Variants in WDPCP observed in about 807,000 individuals in gnomAD.
The protein encoded by WDPCP is WD repeat-containing and planar cell polarity effector protein fritz homolog.
A neutral mutation model predicts 93.1 loss-of-function variants in WDPCP; 71 were observed. The ratio of observed to expected loss-of-function variants is 0.76; its 90% confidence interval spans 0.63 to 0.93. WDPCP has a LOEUF of 0.93. Ranked by LOEUF, WDPCP falls within the 40% of genes least tolerant of loss-of-function variation. The probability of loss-of-function intolerance (pLI) is 0.00; values close to 1 mark genes in which losing one functional copy is unlikely to be tolerated. For missense variants in WDPCP, 844 were observed against 887.4 expected (o/e 0.95, Z 0.62); for synonymous variants, 315 against 315.0 (o/e 1.00, Z 0.00).
chr2:63,152,780 C>T lies in WDPCP; in HGVS notation c.2190+134G>A, dbSNP rs1037727886. ...AAGCTGTTAGTGTAGTTAATATAGACCAGTTAATCTAGTTAATGTAGTCCA... is the reference window on the plus strand; with the variant it reads ...AAGCTGTTAGTGTAGTTAATATAGATCAGTTAATCTAGTTAATGTAGTCCA... On this transcript the variant is annotated intron_variant, in intron 17 of 17. Coordinates refer to ENST00000272321, the MANE Select transcript of WDPCP (RefSeq NM_015910.7). 51 of 752,468 alleles carry T rather than the reference C, an allele frequency of 6.8e-5. 1 individual carries two copies. The highest frequency in any genetic ancestry group is 1.0e-4 in the Non-Finnish European group (46 of 446,142). 46.6% of individuals were successfully genotyped at this position (752,468 alleles called of 1,614,324 possible).
chr2:63,441,241 G>C (rs574878631), intron 6 of WDPCP: 3 of 152,090 alleles, frequency 2.0e-5, no homozygotes, highest in South Asian at 4.1e-4. Flanking sequence ...AATCTCTACT[G>C]AATTACACCC....
At chr2:63,207,508 G>A (rs551115191) in intron 14 of WDPCP, among the ~76,000 whole-genome samples, 1 of 152,274 alleles carries the variant, frequency 6.6e-6, no homozygotes, top group East Asian at 1.9e-4. Context: ...GTTCTTTATA[G>A]CAATGTGAGA....
chr2:63,487,613 A>T (rs900817479), intron 2 of WDPCP, 119 bp from the exon 3 acceptor site: 4 of 675,746 alleles, frequency 5.9e-6, no homozygotes, highest in Non-Finnish European at 1.0e-5. Flanking sequence ...TCCTTATGCT[A>T]CTAGAAATAA....
chr2:63,216,128 C>T (rs968487549), intron 14 of WDPCP, among the ~76,000 whole-genome samples: 3 of 152,282 alleles, frequency 2.0e-5, no homozygotes, highest in Non-Finnish European at 2.9e-5. Flanking sequence ...ACTAGTTCAA[C>T]CATCGTGGAA....
chr2:63,392,098 A>G (rs1416861297), intron 10 of WDPCP, among the ~76,000 whole-genome samples: 3 of 152,186 alleles, frequency 2.0e-5, no homozygotes, highest in Non-Finnish European at 2.9e-5. Flanking sequence ...AGCAAAAAGA[A>G]CAAAGCTGGA....
chr2:63,633,255 C>T (rs1481501669), intron 3 of WDPCP, among the ~76,000 whole-genome samples: 1 of 151,940 alleles, frequency 6.6e-6, no homozygotes, highest in Non-Finnish European at 1.5e-5. Context: ...TGAAAAGACA[C>T]TAATAGAAAC....
chr2:63,172,974 T>C (rs1372790365), intron 15 of WDPCP, among the ~76,000 whole-genome samples: 1 of 151,900 alleles, frequency 6.6e-6, no homozygotes, highest in Non-Finnish European at 1.5e-5. Flanking sequence ...CCATCAAGAA[T>C]TTGTGGGCTG....
intron 2 of WDPCP, among the ~76,000 whole-genome samples, chr2:63,742,230 A>G (rs1669729109): frequency 6.6e-6 from 1 of 152,032 alleles, no homozygotes; most frequent in Admixed American, 6.6e-5. Flanking sequence ...GGAAAGAAAG[A>G]AACAGGAAGA....
intron 12 of WDPCP, among the ~76,000 whole-genome samples, chr2:63,334,917 A>G (rs919599735): frequency 5.3e-5 from 8 of 152,158 alleles, no homozygotes; most frequent in Admixed American, 6.5e-5. Context: ...ACCCTAAAAC[A>G]GTTCTGTTGA....
In WDPCP at chr2:63,476,231, G is replaced by A. The variant is rs1298387133; in HGVS notation, c.384+8373C>T. 3.3e-5 allele frequency among the ~76,000 whole-genome samples: 5 copies of A among 152,014 alleles called. No homozygotes were observed. In the East Asian group the frequency reaches 9.7e-4, roughly 29 times the overall value. Reference sequence around the variant, plus strand: ...ATATGAAAGTGTTTACAGTGTTACAGGACAATGTGTCAGTTCCTTAATATA... The same window carrying A: ...ATATGAAAGTGTTTACAGTGTTACAAGACAATGTGTCAGTTCCTTAATATA... On this transcript the variant is annotated intron_variant, in intron 6 of 17. Coordinates refer to ENST00000272321, the MANE Select transcript of WDPCP (RefSeq NM_015910.7).
intron 14 of WDPCP, among the ~76,000 whole-genome samples, chr2:63,195,255 A>C (rs1193703239): frequency 6.6e-6 from 1 of 152,166 alleles, no homozygotes; most frequent in Admixed American, 6.5e-5. Flanking sequence ...CAAATTTACA[A>C]ACTGTTCAAA....
intron 2 of WDPCP, among the ~76,000 whole-genome samples, chr2:63,742,018 C>T (rs2103856829): frequency 6.6e-6 from 1 of 152,208 alleles, no homozygotes; most frequent in South Asian, 2.1e-4. Flanking sequence ...TTTTTTCTCA[C>T]ATGTCAGGCA....
intron 12 of WDPCP, among the ~76,000 whole-genome samples, chr2:63,369,765 G>T (rs1291949716): frequency 6.6e-6 from 1 of 152,088 alleles, no homozygotes; most frequent in African/African-American, 2.4e-5. Context: ...GGAACAGAGT[G>T]GGTATTAGGG....
intron 1 of WDPCP, among the ~76,000 whole-genome samples, chr2:63,565,816 T>C (rs572995571): frequency 3.9e-5 from 6 of 152,294 alleles, no homozygotes; most frequent in Admixed American, 1.3e-4. Context: ...GCAAAGGAGA[T>C]TGATTAGTCA....
intron 2 of WDPCP, among the ~76,000 whole-genome samples, chr2:63,656,953 T>G (rs752736482): frequency 4.6e-5 from 7 of 152,100 alleles, no homozygotes; most frequent in Non-Finnish European, 1.0e-4. Flanking sequence ...TGAGACTATC[T>G]AGGGAAGGGA....
Position 63,174,789 on chromosome 2 carries a change from T to G in WDPCP, c.1959A>C (p.Ala653=). 6.2e-7 allele frequency: 1 copy of G among 1,613,978 alleles called. No individual in the cohort carries two copies. The highest frequency in any genetic ancestry group is 8.5e-7 in the Non-Finnish European group (1 of 1,179,920). Residue 653 remains alanine (A), a synonymous_variant, in exon 15 of 18, where the codon GCA becomes GCC. Transcript: ENST00000272321. ...PLDRGDMLNE[A]FIGLSLAPQG... ...GAGGTGCTAAAGACAGGCCAATAAA[T>G]GCTTCATTTAGCATATCCCCTCTGT...
intron 6 of WDPCP, among the ~76,000 whole-genome samples, chr2:63,454,835 G>A (rs557016703): frequency 6.6e-6 from 1 of 152,186 alleles, no homozygotes; most frequent in East Asian, 1.9e-4. Context: ...AGTCATAAAG[G>A]AGCCCCTATC....
At chr2:63,812,978 G>C (rs1002647174) in intron 2 of WDPCP, among the ~76,000 whole-genome samples, 2 of 151,122 alleles carry the variant, frequency 1.3e-5, no homozygotes, top group Non-Finnish European at 2.9e-5. Flanking sequence ...TCAGCCTCCT[G>C]AGTAGCTGGG....
chr2:63,226,501 TAA>T (rs1281150432), intron 14 of WDPCP, among the ~76,000 whole-genome samples: 1 of 151,908 alleles, frequency 6.6e-6, no homozygotes, highest in East Asian at 1.9e-4. Context: ...CCTGTCACAT[TAA>T]GTTACCTTAC....
Sources: gnomAD v4.1 joint callset for allele counts (sites outside exome capture counted in the v4.1 genomes callset) on GRCh38, gnomAD v4.1.1 for gene constraint, MANE v1.5 for transcripts, NCBI Gene and HGNC (gene_info 2026-07-23, HGNC 2026-07-21) for gene names.